The following BTAF1 variants were observed in gnomAD, a reference collection of about 807,000 sequenced individuals.
BTAF1 encodes B-TFIID TATA-box binding protein associated factor 1.
A neutral mutation model predicts 227.1 loss-of-function variants in BTAF1; 38 were observed. That is an observed-to-expected ratio of 0.17 (90% confidence interval 0.13 to 0.22). The LOEUF (loss-of-function observed/expected upper bound fraction) is 0.22. Among genes scored for constraint, BTAF1 ranks in the 10% least tolerant of loss-of-function variants. BTAF1 has a pLI of 1.00. For synonymous variants in BTAF1, 742 were observed against 751.9 expected, an observed-to-expected ratio of 0.99 and a Z score of 0.21; for missense variants, 1,598 against 2,204.0, an observed-to-expected ratio of 0.73 and a Z score of 5.51.
intron 6 of BTAF1, among the ~76,000 whole-genome samples, chr10:91,955,303 C>A (rs1286069958): frequency 2.0e-5 from 3 of 152,106 alleles, no homozygotes; most frequent in Non-Finnish European, 4.4e-5. Flanking sequence ...TTATTAAATA[C>A]CTTCTATTTG....
chr10:91,959,922 A>G (rs1192442158), intron 10 of BTAF1, 42 bp downstream of exon 10: 1 of 1,600,064 alleles, frequency 6.2e-7, no homozygotes, highest in Non-Finnish European at 8.5e-7. Context: ...TCAAATTTCA[A>G]ATTCTACAAA....
chr10:91,983,891 A>ATT (rs71025378), intron 18 of BTAF1, among the ~76,000 whole-genome samples: 2,356 of 146,286 alleles, frequency 0.016, 39 homozygotes, highest in African/African-American at 0.046. Context: ...TTCTTTTCTG[A>ATT]TTTTTTTTTT....
At chr10:92,023,482 G>A (rs529708876) in intron 34 of BTAF1, among the ~76,000 whole-genome samples, 27 of 152,076 alleles carry the variant, frequency 1.8e-4, no homozygotes, top group Non-Finnish European at 2.9e-4. Flanking sequence ...TCAGGAGTTC[G>A]AAACCAACCT....
rs1028919917 is a variant in BTAF1 at position 92,016,481 on chromosome 10, T to C, written c.4710+16T>C. ...CGTATTCCAGGTATAGATTACATTCTACTTTTTTTTTTTTTGAGATGGAAT... is the reference window on the plus strand; with the variant it reads ...CGTATTCCAGGTATAGATTACATTCCACTTTTTTTTTTTTTGAGATGGAAT... On this transcript the variant is annotated intron_variant, in intron 33 of 37. Transcript: ENST00000265990. The C allele has an allele frequency of 9.3e-6, 14 of 1,512,646 alleles. No homozygotes were observed. Among genetic ancestry groups the C allele is most frequent in the Non-Finnish European group, 9.7e-6 (11 of 1,135,594 alleles). The allele number at this position is 1,512,646 out of a possible 1,614,324, so 93.7% of individuals were successfully genotyped here. A position where few individuals can be genotyped will look rare whatever the true frequency, so the allele number is the denominator to read the frequency against.
At chr10:91,941,582 T>C (rs1845001469) in intron 3 of BTAF1, among the ~76,000 whole-genome samples, 1 of 152,226 alleles carries the variant, frequency 6.6e-6, no homozygotes, top group African/African-American at 2.4e-5. Flanking sequence ...GCCCAGAGTA[T>C]GAGAACTGAG....
intron 1 of BTAF1, among the ~76,000 whole-genome samples, chr10:91,927,930 C>A (rs1203795504): frequency 6.7e-6 from 1 of 149,254 alleles, no homozygotes; most frequent in Non-Finnish European, 1.5e-5. Context: ...GCATAGTAGA[C>A]TATTTCCAGT....
intron 14 of BTAF1, among the ~76,000 whole-genome samples, chr10:91,975,601 A>T (rs928366552): frequency 1.3e-5 from 2 of 152,248 alleles, no homozygotes; most frequent in Non-Finnish European, 2.9e-5. Context: ...AGTGTGATTC[A>T]TCACCAACTT....
chr10:92,020,110 C>CT (rs35538997), intron 34 of BTAF1, among the ~76,000 whole-genome samples: 48,475 of 151,832 alleles, frequency 0.32, 8,859 homozygotes, highest in South Asian at 0.52. Flanking sequence ...TATCTTTTTA[C>CT]TTCTTGATAA....
chr10:91,946,101 T>C (rs2133834941), intron 4 of BTAF1, among the ~76,000 whole-genome samples: 1 of 152,350 alleles, frequency 6.6e-6, no homozygotes, highest in South Asian at 2.1e-4. Flanking sequence ...CTTTTATCTG[T>C]TTTGAAAAAT....
At chr10:91,971,229 C>T (rs899098919) in intron 14 of BTAF1, among the ~76,000 whole-genome samples, 2 of 152,102 alleles carry the variant, frequency 1.3e-5, no homozygotes, top group Non-Finnish European at 2.9e-5. Flanking sequence ...TAGCCTTTAT[C>T]TTCAGCGTAT....
chr10:91,942,461 C>T lies in BTAF1; in HGVS notation c.293C>T (p.Thr98Ile). ...AGTTCTATGGAAGATTCACCTACTA[C>T]AGAGCGATTGAATTTTGACAGATTT... ...SESSMEDSPT[T>I]ERLNFDRFDI... The change falls in exon 4 of 38, where the codon ACA becomes ATA. Residue 98 changes from threonine to isoleucine, a missense_variant. Transcript: ENST00000265990. 6.2e-7 allele frequency: 1 copy of T among 1,613,858 alleles called. No homozygotes were observed. Among genetic ancestry groups the T allele is most frequent in the East Asian group, 2.2e-5 (1 of 44,876 alleles).
chr10:91,983,641 A>T (rs948172990), intron 18 of BTAF1, among the ~76,000 whole-genome samples: 28 of 152,178 alleles, frequency 1.8e-4, no homozygotes, highest in African/African-American at 6.0e-4. Context: ...TACTCTGTGA[A>T]GCCCAGGCTG....
intron 20 of BTAF1, 106 bp from the exon 21 acceptor site, chr10:91,992,013 A>G: frequency 1.2e-6 from 1 of 846,126 alleles, no homozygotes; most frequent in East Asian, 2.8e-5. Flanking sequence ...ATAAAAGTTG[A>G]GGCCTAAAAG....
intron 12 of BTAF1, among the ~76,000 whole-genome samples, chr10:91,963,702 AT>A (rs1846688317): frequency 6.6e-6 from 1 of 152,202 alleles, no homozygotes; most frequent in South Asian, 2.1e-4. Context: ...TTTTTTTATG[AT>A]GATTAGTACC....
intron 12 of BTAF1, among the ~76,000 whole-genome samples, chr10:91,963,405 C>T (rs1036226380): frequency 6.9e-6 from 1 of 144,802 alleles, no homozygotes; most frequent in Non-Finnish European, 1.5e-5. Context: ...GACGACAGAG[C>T]GAGACTCCGT....
intron 4 of BTAF1, among the ~76,000 whole-genome samples, chr10:91,951,175 G>A (rs1003174864): frequency 4.6e-5 from 7 of 152,072 alleles, no homozygotes; most frequent in Admixed American, 1.3e-4. Flanking sequence ...AACAGTTGGG[G>A]AATGCGGGAA....
Position 92,027,166 on chromosome 10 carries a change from G to A in BTAF1, c.5272G>A (p.Gly1758Arg), listed in dbSNP as rs765648981. 46 of 1,613,688 alleles carry A rather than the reference G, an allele frequency of 2.9e-5. No individual in the cohort carries two copies. The highest frequency in any genetic ancestry group is 3.1e-5 in the Non-Finnish European group (37 of 1,179,898). ...TAACGTATACCGATTGATAACCAGA[G>A]GAACATTGGAAGAAAAAATAATGGG... is the stretch of plus-strand genomic sequence containing the variant. ...VVNVYRLITRGTLEEKIMGLQ... is the reference protein window; with the variant it reads ...VVNVYRLITRRTLEEKIMGLQ... The change falls in exon 37 of 38, where the codon GGA (glycine) becomes AGA (arginine). Residue 1758 changes from glycine (G) to arginine (R), a missense_variant. This residue lies in a region of BTAF1 where 20 missense variants were observed against 56.8 expected (regional missense o/e 0.35). Transcript: ENST00000265990.
intron 28 of BTAF1, 46 bp from the exon 29 acceptor site, chr10:92,011,027 C>T (rs752405907): frequency 2.1e-6 from 3 of 1,443,952 alleles, no homozygotes; most frequent in East Asian, 4.6e-5. Context: ...CTATTAAGAA[C>T]TTTTCAGGGT....
chr10:92,011,279 C>T lies in BTAF1; in HGVS notation c.4182-7C>T. On this transcript the variant is annotated splice_polypyrimidine_tract_variant and splice_region_variant and intron_variant, in intron 29 of 37. Coordinates refer to ENST00000265990, the MANE Select transcript of BTAF1 (RefSeq NM_003972.3). ...AGTTGTAAAATTTTCTATTTATTCT[C>T]CCTTAGAAATATTAAATTTAACTAC... The T allele has an allele frequency of 6.6e-7, 1 of 1,504,768 alleles. No individual in the cohort carries two copies. The allele number at this position is 1,504,768 out of a possible 1,614,324, so 93.2% of individuals were successfully genotyped here.
Sources: gnomAD v4.1 joint callset for allele counts (sites outside exome capture counted in the v4.1 genomes callset) on GRCh38, gnomAD v4.1.1 for gene constraint, gnomAD v4.1.1 regional missense constraint, MANE v1.5 for transcripts, NCBI Gene and HGNC (gene_info 2026-07-23, HGNC 2026-07-21) for gene names.